LOC128125817: variants seen among roughly 807,000 people sequenced by gnomAD.
the LOC128125817 span, among the ~76,000 whole-genome samples, chr1:41,609,156 A>G: frequency 6.6e-6 from 1 of 152,210 alleles, no homozygotes; most frequent in Non-Finnish European, 1.5e-5. Context: ...AAATCAATGC[A>G]TTCATGACTC....
chr1:41,601,989 T>A, the LOC128125817 span, among the ~76,000 whole-genome samples: 1 of 152,146 alleles, frequency 6.6e-6, no homozygotes, highest in Non-Finnish European at 1.5e-5. Context: ...TTTCTGCATC[T>A]GTTGAGATGC....
the LOC128125817 span, among the ~76,000 whole-genome samples, chr1:41,604,445 G>A: frequency 6.6e-6 from 1 of 152,238 alleles, no homozygotes. Flanking sequence ...GTGTGATGAT[G>A]TGAATGTGGA....
the LOC128125817 span, among the ~76,000 whole-genome samples, chr1:41,627,411 A>G: frequency 6.6e-6 from 1 of 152,312 alleles, no homozygotes; most frequent in East Asian, 1.9e-4. Flanking sequence ...GTTAAGTACC[A>G]CAACAAACAT....
chr1:41,597,129 T>C, the LOC128125817 span, among the ~76,000 whole-genome samples: 1 of 152,038 alleles, frequency 6.6e-6, no homozygotes, highest in Non-Finnish European at 1.5e-5. Flanking sequence ...TTCTGCACAC[T>C]GGTCAAAAAG....
At chr1:41,599,923 T>G in the LOC128125817 span, among the ~76,000 whole-genome samples, 5 of 152,060 alleles carry the variant, frequency 3.3e-5, no homozygotes, top group Non-Finnish European at 7.4e-5. Flanking sequence ...AAGAGACGTT[T>G]CTCCAAAGAA....
chr1:41,614,678 AG>A, the LOC128125817 span, among the ~76,000 whole-genome samples: 1 of 152,226 alleles, frequency 6.6e-6, no homozygotes, highest in South Asian at 2.1e-4. Context: ...AAATCAACCC[AG>A]GGGAAATGAA....
chr1:41,620,171 G>A, the LOC128125817 span, among the ~76,000 whole-genome samples: 1 of 152,180 alleles, frequency 6.6e-6, no homozygotes. Flanking sequence ...CCGAACAGAG[G>A]CAAGACAGCA....
At chr1:41,596,030 A>AG in the LOC128125817 span, among the ~76,000 whole-genome samples, 1 of 152,176 alleles carries the variant, frequency 6.6e-6, no homozygotes, top group African/African-American at 2.4e-5. Flanking sequence ...CGCAAAGCAC[A>AG]GGGGGCTGGA....
chr1:41,598,805 T>TATTA, the LOC128125817 span, among the ~76,000 whole-genome samples: 3 of 65,986 alleles, frequency 4.5e-5, no homozygotes, highest in Admixed American at 5.1e-4. Flanking sequence ...AGTCACATGA[T>TATTA]GTTATTTATT....
the LOC128125817 span, among the ~76,000 whole-genome samples, chr1:41,590,929 C>A: frequency 1.3e-5 from 2 of 152,142 alleles, no homozygotes; most frequent in Non-Finnish European, 2.9e-5. Flanking sequence ...AACTGATGGT[C>A]CCCTAATCTG....
the LOC128125817 span, among the ~76,000 whole-genome samples, chr1:41,628,136 T>G: frequency 1.8e-4 from 28 of 152,172 alleles, no homozygotes; most frequent in Non-Finnish European, 3.8e-4. Context: ...CCAGGCTCAT[T>G]TGATCACTAT....
the LOC128125817 span, among the ~76,000 whole-genome samples, chr1:41,589,158 G>A: frequency 6.6e-6 from 1 of 152,336 alleles, no homozygotes; most frequent in East Asian, 1.9e-4. Flanking sequence ...ATTGGTGAGA[G>A]CACCTGTAAA....
chr1:41,601,400 CTTTG>C, the LOC128125817 span, among the ~76,000 whole-genome samples: 8 of 152,094 alleles, frequency 5.3e-5, no homozygotes, highest in Non-Finnish European at 7.4e-5. Context: ...ATGTCTTTCT[CTTTG>C]TTTGTGTCTT....
chr1:41,617,758 G>C, the LOC128125817 span, among the ~76,000 whole-genome samples: 3,717 of 152,308 alleles, frequency 0.024, 159 homozygotes, highest in African/African-American at 0.085. Flanking sequence ...TCCTGAGAAA[G>C]AGACCCTTTG....
At chr1:41,597,805 G>A in the LOC128125817 span, among the ~76,000 whole-genome samples, 2 of 152,090 alleles carry the variant, frequency 1.3e-5, no homozygotes, top group South Asian at 4.1e-4. Flanking sequence ...GAAAAGTATC[G>A]ACAGTGTTTA....
chr1:41,585,343 C>T, the LOC128125817 span: 1 of 398,790 alleles, frequency 2.5e-6, no homozygotes, highest in Non-Finnish European at 4.4e-6. Context: ...TACACACACA[C>T]AGAAATACAC....
At chr1:41,618,723 G>A in the LOC128125817 span, among the ~76,000 whole-genome samples, 1 of 152,228 alleles carries the variant, frequency 6.6e-6, no homozygotes, top group Non-Finnish European at 1.5e-5. Context: ...AAGGGACCTT[G>A]GAAGTTATCT....
chr1:41,602,986 AGT>A, the LOC128125817 span, among the ~76,000 whole-genome samples: 1 of 152,080 alleles, frequency 6.6e-6, no homozygotes, highest in Non-Finnish European at 1.5e-5. Flanking sequence ...GGTTGTTTAC[AGT>A]GTGTCATTTA....
At chr1:41,585,357 C>T in the LOC128125817 span, 2 of 398,816 alleles carry the variant, frequency 5.0e-6, no homozygotes, top group Admixed American at 4.4e-5. Flanking sequence ...AATACACACA[C>T]ACAAAAGAGA....
Sources: allele counts gnomAD v4.1 joint callset (sites outside exome capture counted in the v4.1 genomes callset), GRCh38; gene constraint gnomAD v4.1.1; transcripts MANE v1.5.